Variants in SMCHD1 observed in about 807,000 individuals in gnomAD.
SMCHD1 encodes the protein structural maintenance of chromosomes flexible hinge domain-containing protein 1.
In SMCHD1, 78 loss-of-function variants were observed where a neutral mutation model predicts 254.7. That is an observed-to-expected ratio of 0.31 (90% CI 0.26 to 0.37). The LOEUF is 0.37. SMCHD1 is among the 10% of genes least tolerant of loss of function. The probability of loss-of-function intolerance (pLI) is 1.00; values close to 1 mark genes in which losing one functional copy is unlikely to be tolerated. For missense variants in SMCHD1, 1,840 were observed against 2,408.1 expected, an observed-to-expected ratio of 0.76 and a Z score of 4.94; for synonymous variants, 766 against 794.9, an observed-to-expected ratio of 0.96 and a Z score of 0.61.
At chr18:2,683,348 TCTA>T (rs780882331) in intron 5 of SMCHD1, among the ~76,000 whole-genome samples, 23 of 152,236 alleles carry the variant, frequency 1.5e-4, no homozygotes, top group Non-Finnish European at 2.9e-4. Context: ...TTCAGTTTAG[TCTA>T]CTTTTTTCCT....
In SMCHD1 at chr18:2,793,682, A is replaced by G. The variant is rs1268488124; in HGVS notation, c.5720-2267A>G. ...AAAAAAAAAAAAAAAGAAAGAAAAC[A>G]TTGCTTTAATGTGGAATTAGAAATC... On this transcript the variant is annotated intron_variant, in intron 45 of 47. Transcript: ENST00000320876. Among the ~76,000 whole-genome samples the G allele has an allele frequency of 1.3e-5, 2 of 150,908 alleles. 1 individual carries two copies. Among genetic ancestry groups the G allele is most frequent in the East Asian group, 3.9e-4 (2 of 5,152 alleles).
At position 2,773,739 on chromosome 18, in the gene SMCHD1, T is replaced by G. The variant is rs1352210065; in HGVS notation, c.5175+1367T>G. ...GAGTTTGAGACCAGCCTGGCCAACC[T>G]GGTGAAACCCCGTCTCTAATAAAAC... On this transcript the variant is annotated intron_variant, in intron 41 of 47. Transcript: ENST00000320876. 5.3e-5 allele frequency among the ~76,000 whole-genome samples: 8 copies of G among 152,126 alleles called. 1 individual carries two copies. The highest frequency in any genetic ancestry group is 5.2e-4 in the Admixed American group (8 of 15,260).
Position 2,724,883 on chromosome 18 carries a change from A to G in SMCHD1, c.2604-16A>G. Reference sequence around the variant, plus strand: ...AGGCAATTGAGGGGAGTTAAAAAATAATTTTTTTTCCCCAGTGGTTTATCT... The same window carrying G: ...AGGCAATTGAGGGGAGTTAAAAAATGATTTTTTTTCCCCAGTGGTTTATCT... On this transcript the variant is annotated splice_polypyrimidine_tract_variant and intron_variant, in intron 20 of 47. Transcript: ENST00000320876. 4.0e-6 allele frequency: 6 copies of G among 1,502,568 alleles called. No individual in the cohort carries two copies. Among genetic ancestry groups the G allele is most frequent in the Non-Finnish European group, 5.4e-6 (6 of 1,106,676 alleles). The allele number at this position is 1,502,568 out of a possible 1,614,324, so 93.1% of individuals were successfully genotyped here.
rs1014176453 is a variant in SMCHD1 at position 2,718,461 on chromosome 18, T to C, written c.2458+27T>C. The stretch of plus-strand genomic sequence containing the variant: ...TAAGCAAAACAGTAATATATAATTA[T>C]ATATGCTAAAGGTGGCATTTTAAAT... On this transcript the variant is annotated intron_variant, in intron 19 of 47. Coordinates refer to ENST00000320876, the MANE Select transcript of SMCHD1 (RefSeq NM_015295.3). This position sits in a 1 kb window ranked among gnomAD's most constrained non-coding sequence, Gnocchi z 4.6. 3.2e-6 allele frequency: 5 copies of C among 1,560,396 alleles called. No individual in the cohort carries two copies. Among genetic ancestry groups the C allele is most frequent in the African/African-American group, 2.8e-5 (2 of 72,580 alleles).
chr18:2,739,453 A>G lies in SMCHD1; in HGVS notation c.3447A>G (p.Lys1149=), dbSNP rs1205654045. 1 of 1,613,208 alleles carries G rather than the reference A, an allele frequency of 6.2e-7. No homozygotes were observed. Among genetic ancestry groups the G allele is most frequent in the East Asian group, 2.2e-5 (1 of 44,770 alleles). Residue 1149 remains lysine (K), a synonymous_variant, in exon 27 of 48, where the codon AAA becomes AAG. Transcript: ENST00000320876. ...TCAGACCACTTCCTGATGAACCTAAACATTTAAAATGTGAAATGAAAGGAG... is the reference window on the plus strand; with the variant it reads ...TCAGACCACTTCCTGATGAACCTAAGCATTTAAAATGTGAAATGAAAGGAG... ...FTVRPLPDEP[K]HLKCEMKGGK...
Position 2,760,700 on chromosome 18 carries a change from T to C in SMCHD1, c.4395T>C (p.Gly1465=), listed in dbSNP as rs760891249. The change falls in exon 35 of 48, where the codon GGT becomes GGC. Residue 1465 remains glycine, a synonymous_variant. Transcript: ENST00000320876. The part of the protein sequence containing the change: ...NKVGTYCIQF[G]FMMDKTNILN... ...TGGGGACATATTGTATCCAGTTTGG[T>C]TTTATGATGGATAAAACAAATATTC... is the stretch of plus-strand genomic sequence containing the variant. 6.2e-7 allele frequency: 1 copy of C among 1,603,326 alleles called. No individual in the cohort carries two copies. Among genetic ancestry groups the C allele is most frequent in the Non-Finnish European group, 8.5e-7 (1 of 1,170,700 alleles).
chr18:2,678,242 TCG>T (rs1192190102), intron 5 of SMCHD1, among the ~76,000 whole-genome samples: 102 of 44,928 alleles, frequency 2.3e-3, no homozygotes, highest in South Asian at 7.3e-3. Flanking sequence ...TTTCTTTCTT[TCG>T]TTCTTTCTTT....
At chr18:2,784,398 G>C in intron 44 of SMCHD1, 52 bp from the exon 45 acceptor site, 1 of 1,380,302 alleles carries the variant, frequency 7.2e-7, no homozygotes, top group South Asian at 1.4e-5. Context: ...CTCCTTTTTT[G>C]GAGCAGTTGA....
intron 12 of SMCHD1, chr18:2,701,166 T>G (rs2074391732): frequency 7.9e-6 from 2 of 254,334 alleles, no homozygotes; most frequent in Non-Finnish European, 1.5e-5. Flanking sequence ...TTTTTTTTGT[T>G]TTTTTTTTTT....
At chr18:2,669,182 C>CA (rs1406312924) in intron 3 of SMCHD1, among the ~76,000 whole-genome samples, 2 of 151,790 alleles carry the variant, frequency 1.3e-5, no homozygotes, top group Non-Finnish European at 2.9e-5. Flanking sequence ...CCCATCTTTA[C>CA]AAAAAAATAC....
At chr18:2,695,589 C>T (rs745658379) in intron 8 of SMCHD1, among the ~76,000 whole-genome samples, 3 of 152,054 alleles carry the variant, frequency 2.0e-5, no homozygotes, top group African/African-American at 4.8e-5. Context: ...GGATTACAGG[C>T]GTGAGCCATC....
chr18:2,802,599 C>T lies in SMCHD1; in HGVS notation c.*47C>T. The stretch of plus-strand genomic sequence containing the variant: ...CATTGGTCTCAGTAAGAATGCCCTG[C>T]TTTCTGCATCTCTGTTTCAGAAGAC... On this transcript the variant is annotated 3_prime_UTR_variant, in exon 48 of 48. Transcript: ENST00000320876. 1 of 1,505,996 alleles carries T rather than the reference C, an allele frequency of 6.6e-7. No homozygotes were observed. Among genetic ancestry groups the T allele is most frequent in the Non-Finnish European group, 8.9e-7 (1 of 1,118,460 alleles). The allele number at this position is 1,505,996 out of a possible 1,614,324, so 93.3% of individuals were successfully genotyped here. A position where few individuals can be genotyped will look rare whatever the true frequency, so the allele number is the denominator to read the frequency against.
chr18:2,773,546 G>A (rs1322216279), intron 41 of SMCHD1, among the ~76,000 whole-genome samples: 1 of 152,112 alleles, frequency 6.6e-6, no homozygotes, highest in Admixed American at 6.6e-5. Flanking sequence ...TAACCAGTAG[G>A]AGAAAACTTT....
intron 2 of SMCHD1, among the ~76,000 whole-genome samples, 187 bp from the exon 3 acceptor site, chr18:2,666,683 G>A (rs1039494146): frequency 5.9e-5 from 9 of 152,168 alleles, no homozygotes; most frequent in African/African-American, 2.2e-4. Context: ...TCAAATGAAT[G>A]GAAGGAAGTA....
At chr18:2,736,470 G>A (rs1280292699) in intron 25 of SMCHD1, among the ~76,000 whole-genome samples, 2 of 152,048 alleles carry the variant, frequency 1.3e-5, no homozygotes, top group Non-Finnish European at 2.9e-5. Flanking sequence ...TAAACAGACA[G>A]CCTACAGAAT....
At chr18:2,795,916 T>C (rs979599338) in intron 45 of SMCHD1, 33 bp from the exon 46 acceptor site, 1 of 1,536,632 alleles carries the variant, frequency 6.5e-7, no homozygotes, top group Admixed American at 2.1e-5. Context: ...TTAATAGCAG[T>C]AATTTAATCA....
chr18:2,656,336 A>G (rs2073055958), intron 1 of SMCHD1, 75 bp downstream of exon 1: 1 of 1,291,134 alleles, frequency 7.7e-7, no homozygotes, highest in East Asian at 3.0e-5. Context: ...CAACTTGCTC[A>G]CTGAGGGCAA....
At chr18:2,796,544 T>C (rs779152896) in intron 47 of SMCHD1, 23 bp downstream of exon 47, 3 of 1,456,144 alleles carry the variant, frequency 2.1e-6, no homozygotes, top group Admixed American at 2.0e-5. Flanking sequence ...GACCTGAGAA[T>C]TATGCTTGGT....
chr18:2,747,972 C>T (rs777288969), intron 30 of SMCHD1, among the ~76,000 whole-genome samples: 21 of 152,096 alleles, frequency 1.4e-4, no homozygotes, highest in Non-Finnish European at 2.6e-4. Flanking sequence ...ACAGATATCA[C>T]AGTGACCTAC....
Sources: allele counts gnomAD v4.1 joint callset (sites outside exome capture counted in the v4.1 genomes callset), GRCh38; gene constraint gnomAD v4.1.1; non-coding constraint Gnocchi (gnomAD v3.1); transcripts MANE v1.5; gene names NCBI Gene and HGNC (gene_info 2026-07-23, HGNC 2026-07-21).